Variants in XPO1 observed in about 807,000 individuals in gnomAD.
The protein encoded by XPO1 is exportin 1, also known as exportin-1.
Under a neutral mutation model 133.3 loss-of-function variants are expected in XPO1, and 5 were observed. The observed-to-expected ratio is 0.04, with a 90% CI of 0.02 to 0.08. The LOEUF (loss-of-function observed/expected upper bound fraction) is 0.08. Ranked by LOEUF, XPO1 falls within the 10% of genes least tolerant of loss-of-function variation. The pLI, the probability that XPO1 is intolerant of heterozygous loss-of-function variation, is 1.00. For synonymous variants in XPO1, 419 were observed against 408.2 expected, an observed-to-expected ratio of 1.03 and a Z score of -0.32; for missense variants, 506 against 1,267.5, an observed-to-expected ratio of 0.40 and a Z score of 9.12.
intron 4 of XPO1, among the ~76,000 whole-genome samples, chr2:61,509,629 A>G (rs1286906021): frequency 1.1e-4 from 16 of 151,210 alleles, no homozygotes; most frequent in Non-Finnish European, 1.5e-5. Flanking sequence ...TCTGTCTCAA[A>G]AAAAAGGAAA....
Position 61,498,926 on chromosome 2 carries a change from A to G in XPO1, c.591-13T>C, listed in dbSNP as rs772793173. On this transcript the variant is annotated splice_polypyrimidine_tract_variant and intron_variant, in intron 7 of 24. Coordinates refer to ENST00000401558, the MANE Select transcript of XPO1 (RefSeq NM_003400.4). The stretch of plus-strand genomic sequence containing the variant: ...TTCATTGCACATGCTAAAAAAAAAA[A>G]CACACAAAAATATCAGATTTAGAAG... 8 of 1,567,632 alleles carry G rather than the reference A, an allele frequency of 5.1e-6. No homozygotes were observed. The highest frequency in any genetic ancestry group is 4.5e-5 in the East Asian group (2 of 44,194).
At chr2:61,479,184 G>A (rs187053859) in intron 24 of XPO1, among the ~76,000 whole-genome samples, 1 of 152,118 alleles carries the variant, frequency 6.6e-6, no homozygotes, top group Admixed American at 6.6e-5. Flanking sequence ...AAGAATCATG[G>A]GCCCCGGCAT....
chr2:61,494,118 A>G (rs745834565), intron 11 of XPO1, 27 bp from the exon 12 acceptor site: 2 of 1,590,122 alleles, frequency 1.3e-6, no homozygotes, highest in East Asian at 4.5e-5. Flanking sequence ...AACTGTTAAA[A>G]TAATTCTTAA....
chr2:61,514,711 T>C (rs538569936), intron 4 of XPO1, among the ~76,000 whole-genome samples: 35 of 151,448 alleles, frequency 2.3e-4, no homozygotes, highest in Admixed American at 1.8e-3. Context: ...ATGTGAAACA[T>C]ACTTATACAC....
rs1698247191 is a variant in XPO1 at position 61,514,309 on chromosome 2, A to C, written c.301+8302T>G. Among the ~76,000 whole-genome samples, 4 of 151,640 alleles carry C rather than the reference A, an allele frequency of 2.6e-5. No individual in the cohort carries two copies. The South Asian group carries it at 8.3e-4, about 31-fold the overall frequency. On this transcript the variant is annotated intron_variant, in intron 4 of 24. Coordinates refer to ENST00000401558, the MANE Select transcript of XPO1 (RefSeq NM_003400.4). The stretch of plus-strand genomic sequence containing the variant: ...AACAACACTACTCCACATGGAAATT[A>C]AGGCTGGGCGTGGTGGCTCATGCCT...
At chr2:61,508,381 T>C (rs1440656366) in intron 4 of XPO1, among the ~76,000 whole-genome samples, 11 of 152,226 alleles carry the variant, frequency 7.2e-5, no homozygotes, top group Admixed American at 7.2e-4. Flanking sequence ...CAAGGGTTAA[T>C]GCATACATCT....
In XPO1 at chr2:61,496,948, A is replaced by G; in HGVS notation, c.819T>C (p.Gly273=). The change falls in exon 10 of 25, where the codon GGT becomes GGC. Residue 273 remains glycine (G), a synonymous_variant. Coordinates refer to ENST00000401558, the MANE Select transcript of XPO1 (RefSeq NM_003400.4). ...GTTCTTCATATTGGCTTACACTCAC[A>G]CCAGCAATCTCAGTGAGGCACTTCA... ...VSLKCLTEIA[G]VSVSQYEEQF... is the part of the protein sequence containing the mutation. 12 of 1,613,554 alleles carry G rather than the reference A, an allele frequency of 7.4e-6. No individual in the cohort carries two copies. Among genetic ancestry groups the G allele is most frequent in the Non-Finnish European group, 1.0e-5 (12 of 1,179,842 alleles).
Position 61,538,142 on chromosome 2 carries a change from G to A in XPO1, c.-587C>T. Reference sequence around the variant, plus strand: ...CCTCTGGGTGGTTGCACGGACTGCAGCAGCAAAGACTGGAACAGGCACCGC... The same window carrying A: ...CCTCTGGGTGGTTGCACGGACTGCAACAGCAAAGACTGGAACAGGCACCGC... On this transcript the variant is annotated 5_prime_UTR_variant, in exon 1 of 25. Transcript: ENST00000401558. The A allele has an allele frequency of 4.7e-6, 1 of 211,558 alleles. No individual in the cohort carries two copies. Among genetic ancestry groups the A allele is most frequent in the Non-Finnish European group, 9.4e-6 (1 of 106,410 alleles). The allele number at this position is 211,558 out of a possible 1,614,324, so 13.1% of individuals were successfully genotyped here. A position where few individuals can be genotyped will look rare whatever the true frequency, so the allele number is the denominator to read the frequency against.
At chr2:61,519,297 G>A (rs1218429439) in intron 4 of XPO1, among the ~76,000 whole-genome samples, 1 of 152,034 alleles carries the variant, frequency 6.6e-6, no homozygotes, top group Non-Finnish European at 1.5e-5. Context: ...ACTGGTACAG[G>A]ATACAGTAAC....
chr2:61,529,200 T>C (rs1699046706), intron 2 of XPO1, among the ~76,000 whole-genome samples: 1 of 152,160 alleles, frequency 6.6e-6, no homozygotes, highest in Non-Finnish European at 1.5e-5. Context: ...GACTTTAAAA[T>C]CTGTCAGTTA....
chr2:61,526,127 T>A, intron 3 of XPO1: 2 of 1,165,444 alleles, frequency 1.7e-6, no homozygotes, highest in Non-Finnish European at 2.1e-6. Flanking sequence ...AATCTCTGAA[T>A]AACATTCAGA....
intron 21 of XPO1, chr2:61,483,713 C>A (rs2104312326): frequency 4.3e-6 from 2 of 470,388 alleles, no homozygotes; most frequent in South Asian, 2.6e-5. Flanking sequence ...TTACGCAAAC[C>A]AATTATTACT....
chr2:61,501,974 A>G, intron 6 of XPO1, 22 bp downstream of exon 6: 1 of 1,565,464 alleles, frequency 6.4e-7, no homozygotes. Flanking sequence ...CTTCTAAGGA[A>G]AACAGTTAAG....
chr2:61,482,894 A>G (rs1364068947), intron 22 of XPO1, 63 bp downstream of exon 22: 3 of 1,597,946 alleles, frequency 1.9e-6, no homozygotes, highest in Non-Finnish European at 2.6e-6. Context: ...AAGTGCTGGG[A>G]TTATAGGCGT....
At position 61,513,324 on chromosome 2, in the gene XPO1, T is replaced by G. The variant is rs1486092402; in HGVS notation, c.301+9287A>C. Among the ~76,000 whole-genome samples the G allele has an allele frequency of 7.4e-5, 11 of 147,940 alleles. No homozygotes were observed. In the Admixed American group the frequency reaches 7.5e-4, roughly 10 times the overall value. ...AAATCACAGATCTTAATGCAAAAGC[T>G]AAAACTATAAAGGTTCTATAAGAAA... On this transcript the variant is annotated intron_variant, in intron 4 of 24. Coordinates refer to ENST00000401558, the MANE Select transcript of XPO1 (RefSeq NM_003400.4).
At chr2:61,481,586 A>G (rs1042612093) in intron 23 of XPO1, among the ~76,000 whole-genome samples, 1 of 149,534 alleles carries the variant, frequency 6.7e-6, no homozygotes, top group Non-Finnish European at 1.5e-5. Context: ...AGCTGGGATT[A>G]CAGGCATGCA....
chr2:61,495,753 C>T, intron 10 of XPO1, 140 bp from the exon 11 acceptor site: 1 of 768,172 alleles, frequency 1.3e-6, no homozygotes, highest in Non-Finnish European at 1.8e-6. Context: ...CTCACTGCAG[C>T]CTCCACCTCC....
At chr2:61,494,461 T>C in intron 11 of XPO1, 1 of 191,766 alleles carries the variant, frequency 5.2e-6, no homozygotes, top group Non-Finnish European at 1.1e-5. Flanking sequence ...TCTTCAGACA[T>C]GATAAAAAGT....
In XPO1 at chr2:61,492,014, T is replaced by C. The variant is rs1697026780; in HGVS notation, c.1887+21A>G. On this transcript the variant is annotated intron_variant, in intron 16 of 24. Transcript: ENST00000401558. This position sits in a 1 kb window ranked among gnomAD's most constrained non-coding sequence, Gnocchi z 5.6. The stretch of plus-strand genomic sequence containing the variant: ...CAAGTGTTACTTTCTAAAAATAACA[T>C]ATGCTCAGTGCTTAACATACCTGTT... 2 of 1,612,598 alleles carry C rather than the reference T, an allele frequency of 1.2e-6. No homozygotes were observed.
Sources: gnomAD v4.1 joint callset for allele counts (sites outside exome capture counted in the v4.1 genomes callset) on GRCh38, gnomAD v4.1.1 for gene constraint, Gnocchi (gnomAD v3.1) non-coding constraint, MANE v1.5 for transcripts, NCBI Gene and HGNC (gene_info 2026-07-23, HGNC 2026-07-21) for gene names.